The following LRP1B variants were observed in gnomAD, a reference collection of about 807,000 sequenced individuals.
LRP1B encodes LDL receptor related protein 1B.
Under a neutral mutation model 556.6 loss-of-function variants are expected in LRP1B, and 217 were observed. That is an observed-to-expected ratio of 0.39 (90% CI 0.35 to 0.44). The LOEUF (loss-of-function observed/expected upper bound fraction) is 0.44. LRP1B is among the 20% of genes least tolerant of loss of function. The pLI is 1.00. For synonymous variants in LRP1B, 2,047 were observed against 1,865.8 expected (o/e 1.10, Z -2.50); for missense variants, 5,053 against 5,620.8 (o/e 0.90, Z 3.23).
rs567469425 is a variant in LRP1B at position 141,209,218 on chromosome 2, G to A, written c.850+19965C>T. Among the ~76,000 whole-genome samples, 6 of 152,292 alleles carry A rather than the reference G, an allele frequency of 3.9e-5. No homozygotes were observed. In the South Asian group the frequency reaches 1.0e-3, roughly 26 times the overall value. ...TTCCCATAATCCCCACCCGTCGTGGGAGGGACCTGGTGGGAGGTAGTCGAA... is the reference window on the plus strand; with the variant it reads ...TTCCCATAATCCCCACCCGTCGTGGAAGGGACCTGGTGGGAGGTAGTCGAA... On this transcript the variant is annotated intron_variant, in intron 6 of 90. Coordinates refer to ENST00000389484, the MANE Select transcript of LRP1B (RefSeq NM_018557.3).
At chr2:140,287,351 TAGAGGTACCAC>T (rs1444632297) in intron 84 of LRP1B, among the ~76,000 whole-genome samples, 2 of 151,780 alleles carry the variant, frequency 1.3e-5, no homozygotes, top group Non-Finnish European at 2.9e-5. Flanking sequence ...CTTCATGGTC[TAGAGGTACCAC>T]AGAAATGACC....
Position 140,872,948 on chromosome 2 carries a change from TA to T in LRP1B, c.4170-4686del, listed in dbSNP as rs1393271186. 2.0e-5 allele frequency among the ~76,000 whole-genome samples: 3 copies of T among 152,198 alleles called. No individual in the cohort carries two copies. In the East Asian group the frequency reaches 5.8e-4, roughly 29 times the overall value. On this transcript the variant is annotated intron_variant, in intron 25 of 90. Coordinates refer to ENST00000389484, the MANE Select transcript of LRP1B (RefSeq NM_018557.3). Reference sequence around the variant, plus strand: ...GTGCATGTACACAATGTTTCACCACTAAAAATATATACAAGAGCTCTAATTA... The same window carrying T: ...GTGCATGTACACAATGTTTCACCACTAAAATATATACAAGAGCTCTAATTA...
At chr2:140,431,260 A>G (rs1276388086) in intron 66 of LRP1B, among the ~76,000 whole-genome samples, 2 of 152,202 alleles carry the variant, frequency 1.3e-5, no homozygotes, top group Non-Finnish European at 2.9e-5. Flanking sequence ...CAACTTAAAA[A>G]GGACTGGACA....
chr2:141,123,895 A>C (rs1331330650), intron 7 of LRP1B, among the ~76,000 whole-genome samples: 5 of 152,220 alleles, frequency 3.3e-5, no homozygotes, highest in African/African-American at 1.2e-4. Context: ...TTTCCTAAAA[A>C]TTTGGCAAAC....
At chr2:140,535,016 T>A (rs552367142) in intron 46 of LRP1B, among the ~76,000 whole-genome samples, 11 of 152,294 alleles carry the variant, frequency 7.2e-5, no homozygotes, top group African/African-American at 2.4e-4. Flanking sequence ...ATTGGCAAAC[T>A]ATTGCCCATA....
intron 83 of LRP1B, among the ~76,000 whole-genome samples, chr2:140,301,133 G>A (rs1683801008): frequency 6.6e-6 from 1 of 151,998 alleles, no homozygotes; most frequent in South Asian, 2.1e-4. Flanking sequence ...AACATTTTTA[G>A]ACTTTGAAGA....
chr2:142,079,874 G>A (rs1230368822), intron 1 of LRP1B, among the ~76,000 whole-genome samples: 1 of 151,954 alleles, frequency 6.6e-6, no homozygotes, highest in Non-Finnish European at 1.5e-5. Context: ...ACACAACATA[G>A]CTCTGAACTA....
chr2:141,084,881 C>T (rs1275071033), intron 7 of LRP1B, among the ~76,000 whole-genome samples: 1 of 152,078 alleles, frequency 6.6e-6, no homozygotes, highest in Non-Finnish European at 1.5e-5. Context: ...GATCTCCTGA[C>T]CTCGTGATCC....
chr2:141,573,602 G>A (rs1574093047), intron 2 of LRP1B, among the ~76,000 whole-genome samples: 1 of 128,218 alleles, frequency 7.8e-6, no homozygotes, highest in Admixed American at 8.3e-5. Context: ...GATCAGAGAA[G>A]AACTGAAGGA....
At chr2:141,050,585 A>G (rs1032196073) in intron 10 of LRP1B, among the ~76,000 whole-genome samples, 8 of 152,060 alleles carry the variant, frequency 5.3e-5, no homozygotes, top group Non-Finnish European at 1.2e-4. Flanking sequence ...CTTATGAGTG[A>G]AAACATGCAG....
intron 2 of LRP1B, among the ~76,000 whole-genome samples, chr2:141,608,126 A>G (rs888295072): frequency 5.3e-5 from 8 of 152,122 alleles, no homozygotes; most frequent in Non-Finnish European, 8.8e-5. Context: ...TGTGAGGCTG[A>G]GGCAGGAGAA....
At chr2:142,094,787 A>G (rs1456847999) in intron 1 of LRP1B, among the ~76,000 whole-genome samples, 2 of 150,962 alleles carry the variant, frequency 1.3e-5, no homozygotes, top group African/African-American at 4.9e-5. Flanking sequence ...AAATATATTC[A>G]AATATTTAGT....
chr2:141,689,393 C>T (rs1344657009), intron 2 of LRP1B, among the ~76,000 whole-genome samples: 1 of 151,758 alleles, frequency 6.6e-6, no homozygotes, highest in Non-Finnish European at 1.5e-5. Context: ...AAAACACAAA[C>T]AAACTCCATT....
At chr2:140,993,192 G>GA (rs897944101) in intron 16 of LRP1B, among the ~76,000 whole-genome samples, 3 of 151,354 alleles carry the variant, frequency 2.0e-5, no homozygotes, top group South Asian at 2.1e-4. Flanking sequence ...TTTATAGAAA[G>GA]AAAAAAAATT....
intron 1 of LRP1B, among the ~76,000 whole-genome samples, chr2:141,884,395 T>C (rs1699047876): frequency 6.6e-6 from 1 of 151,790 alleles, no homozygotes. Context: ...AAAAGAAAAA[T>C]ACAATGATAT....
intron 35 of LRP1B, among the ~76,000 whole-genome samples, chr2:140,734,979 A>G (rs187178286): frequency 2.6e-5 from 4 of 152,308 alleles, no homozygotes; most frequent in East Asian, 1.9e-4. Flanking sequence ...GTATTTCTCA[A>G]TAACAATCTT....
At chr2:140,621,752 G>A (rs1351867826) in intron 41 of LRP1B, among the ~76,000 whole-genome samples, 1 of 152,150 alleles carries the variant, frequency 6.6e-6, no homozygotes, top group Non-Finnish European at 1.5e-5. Context: ...AGAGGTACTG[G>A]TAGAGTGATC....
At chr2:140,636,585 C>T (rs552771312) in intron 41 of LRP1B, among the ~76,000 whole-genome samples, 1 of 152,130 alleles carries the variant, frequency 6.6e-6, no homozygotes, top group Non-Finnish European at 1.5e-5. Flanking sequence ...GCTCATGTAT[C>T]TCAGTCACTA....
chr2:141,159,572 A>G (rs752113275), intron 7 of LRP1B, among the ~76,000 whole-genome samples: 1 of 152,046 alleles, frequency 6.6e-6, no homozygotes, highest in Non-Finnish European at 1.5e-5. Context: ...ATCCGAGGGT[A>G]ATTCTTAAAA....
Sources: allele counts gnomAD v4.1 joint callset (sites outside exome capture counted in the v4.1 genomes callset), GRCh38; gene constraint gnomAD v4.1.1; transcripts MANE v1.5; gene names NCBI Gene and HGNC (gene_info 2026-07-23, HGNC 2026-07-21).